Variants in RP1 observed in about 807,000 individuals in gnomAD.
The protein encoded by RP1 is RP1 axonemal microtubule associated, also known as oxygen-regulated protein 1.
In RP1, 16 loss-of-function variants were observed where a neutral mutation model predicts 14.8. The observed-to-expected ratio is 1.08, with a 90% CI of 0.73 to 1.65. RP1 has a LOEUF of 1.65. Among genes scored for constraint, RP1 ranks in the 40% most tolerant of loss-of-function variants. The pLI is 0.00. For synonymous variants in RP1, 876 were observed against 883.6 expected (o/e 0.99, Z 0.15); for missense variants, 2,631 against 2,535.0 (o/e 1.04, Z -0.81).
At position 54,842,185 on chromosome 8, in the gene RP1, A is replaced by G. The variant is rs116274105; in HGVS notation, c.3835+4516A>G. Among the ~76,000 whole-genome samples the G allele has an allele frequency of 3.9e-3, 589 of 152,280 alleles. 5 individuals carry two copies. The highest frequency in any genetic ancestry group is 0.014 in the African/African-American group (565 of 41,538). The stretch of plus-strand genomic sequence containing the variant: ...AAACATGGGCTTCAGAATGATTCAG[A>G]CCTTTTCATCCACGAGAGAACTATA... On this transcript the variant is annotated intron_variant, in intron 25 of 28. Coordinates refer to the RP1 transcript ENST00000637698.
intron 16 of RP1, chr8:54,720,417 TTTTG>T (rs751459966): frequency 4.0e-4 from 395 of 991,170 alleles, no homozygotes; most frequent in Admixed American, 5.0e-4. Flanking sequence ...TGCTAGGCTT[TTTTG>T]TTTGTTGTCA....
At chr8:54,752,453 G>A (rs1189454823) in intron 19 of RP1, among the ~76,000 whole-genome samples, 1 of 152,146 alleles carries the variant, frequency 6.6e-6, no homozygotes, top group East Asian at 1.9e-4. Flanking sequence ...ATAGCAACTC[G>A]GTGAGTGCTT....
At chr8:54,765,769 C>A (rs2129372381) in intron 22 of RP1, among the ~76,000 whole-genome samples, 2 of 152,234 alleles carry the variant, frequency 1.3e-5, no homozygotes, top group African/African-American at 4.8e-5. Flanking sequence ...CTCTGCTTGC[C>A]CAGACAGAAG....
At chr8:54,863,486 G>T in intron 27 of RP1, among the ~76,000 whole-genome samples, 1 of 152,196 alleles carries the variant, frequency 6.6e-6, no homozygotes. Flanking sequence ...TATATTTTAA[G>T]TCTTGCTTTT....
chr8:54,816,623 C>A (rs1336616693), intron 24 of RP1, among the ~76,000 whole-genome samples: 2 of 152,204 alleles, frequency 1.3e-5, no homozygotes, highest in African/African-American at 2.4e-5. Context: ...CCTTCTCTTG[C>A]CCAGACTCAT....
chr8:54,701,758 A>G, intron 14 of RP1: 1 of 1,129,980 alleles, frequency 8.8e-7, no homozygotes, highest in Non-Finnish European at 1.2e-6. Flanking sequence ...TAATGCAGTA[A>G]TCGAATCACT....
intron 15 of RP1, among the ~76,000 whole-genome samples, chr8:54,716,783 TC>T (rs1248490627): frequency 2.0e-5 from 3 of 152,172 alleles, no homozygotes; most frequent in African/African-American, 4.8e-5. Context: ...TTTCTCAGAC[TC>T]CCTCCTTGAG....
At chr8:54,607,278 T>C (rs1260732736) in intron 1 of RP1, among the ~76,000 whole-genome samples, 1 of 152,238 alleles carries the variant, frequency 6.6e-6, no homozygotes, top group Non-Finnish European at 1.5e-5. Flanking sequence ...TACCCTCAGC[T>C]GCAGGTCTGT....
exon 17 of RP1, chr8:54,726,369 T>G (rs1011526926): frequency 6.5e-7 from 1 of 1,527,444 alleles, no homozygotes; most frequent in Non-Finnish European, 8.7e-7. Context: ...CCAATGGGAA[T>G]GTCTGCAACA....
In RP1 at chr8:54,621,469, G is replaced by T; in HGVS notation, c.503G>T (p.Arg168Leu). The change falls in exon 2 of 4, where the codon CGT becomes CTT. Residue 168 changes from arginine to leucine, a missense_variant. Physicochemically the swap from Arg to Leu is moderately radical, Grantham distance 102. Coordinates refer to ENST00000220676, the MANE Select transcript of RP1 (RefSeq NM_006269.2). ...AGGAATGGCGACCCGAAGACGAGGC[G>T]TGCGGTTCTTCTGAGCAGGAGGGTC... Reference protein sequence around the residue: ...VFRNGDPKTRRAVLLSRRVTQ... With the variant: ...VFRNGDPKTRLAVLLSRRVTQ... The T allele has an allele frequency of 1.2e-6, 2 of 1,614,074 alleles. No individual in the cohort carries two copies. Among genetic ancestry groups the T allele is most frequent in the Non-Finnish European group, 1.7e-6 (2 of 1,180,040 alleles).
At chr8:54,596,218 A>T (rs1306430440) in intron 1 of RP1, among the ~76,000 whole-genome samples, 2 of 152,192 alleles carry the variant, frequency 1.3e-5, no homozygotes, top group African/African-American at 4.8e-5. Context: ...GATCGGTTTC[A>T]TCTGTTCAAC....
In RP1 at chr8:54,627,156, C is replaced by T. The variant is rs1470599785; in HGVS notation, c.3274C>T (p.Gln1092Ter). 6.2e-7 allele frequency: 1 copy of T among 1,614,040 alleles called. No individual in the cohort carries two copies. Among genetic ancestry groups the T allele is most frequent in the Non-Finnish European group, 8.5e-7 (1 of 1,179,976 alleles). Residue 1092 changes from glutamine (Q) to a stop codon, truncating the protein, a stop_gained, in exon 4 of 4, where the codon CAA (glutamine) becomes TAA (stop). Transcript: ENST00000220676. LOFTEE classifies it low-confidence loss of function (END_TRUNC). Reference sequence around the variant, plus strand: ...ACCAGTCCTGATGCTTCACCAATTGCAAGCTTCAGTTCCTGGTATTCACAA... The same window carrying T: ...ACCAGTCCTGATGCTTCACCAATTGTAAGCTTCAGTTCCTGGTATTCACAA... ...LLPVLMLHQL[Q>*]ASVPGIHKTQ... is the part of the protein sequence containing the mutation.
At chr8:54,576,892 A>AC in intron 1 of RP1, among the ~76,000 whole-genome samples, 2 of 152,266 alleles carry the variant, frequency 1.3e-5, no homozygotes, top group Middle Eastern at 3.4e-3. Context: ...AATTTGATAG[A>AC]CATTTCTGAA....
intron 15 of RP1, chr8:54,706,705 G>T: frequency 6.6e-7 from 1 of 1,516,026 alleles, no homozygotes; most frequent in Non-Finnish European, 8.9e-7. Context: ...ACATTTGCCA[G>T]TTGTAGACAT....
At chr8:54,756,662 A>T in intron 21 of RP1, among the ~76,000 whole-genome samples, 1 of 152,328 alleles carries the variant, frequency 6.6e-6, no homozygotes. Flanking sequence ...TATTATTAAT[A>T]TTACGCTAAG....
chr8:54,702,815 A>G (rs539951914), intron 14 of RP1, among the ~76,000 whole-genome samples: 1 of 152,324 alleles, frequency 6.6e-6, no homozygotes, highest in African/African-American at 2.4e-5. Context: ...AATAGTCTGA[A>G]TCATTTGTTG....
chr8:54,648,362 C>G (rs1806589759), intron 3 of RP1, among the ~76,000 whole-genome samples: 1 of 152,108 alleles, frequency 6.6e-6, no homozygotes, highest in Non-Finnish European at 1.5e-5. Flanking sequence ...CAGTTATGTT[C>G]ACAGTGAGCC....
At chr8:54,732,782 G>A (rs149228181) in intron 17 of RP1, among the ~76,000 whole-genome samples, 99 of 152,276 alleles carry the variant, frequency 6.5e-4, no homozygotes, top group African/African-American at 2.3e-3. Flanking sequence ...ACTGAGTTTT[G>A]AAAATTAGAT....
At chr8:54,793,570 T>C (rs1317905441) in intron 24 of RP1, among the ~76,000 whole-genome samples, 2 of 151,878 alleles carry the variant, frequency 1.3e-5, no homozygotes, top group Admixed American at 6.6e-5. Context: ...GAAGGAAGGA[T>C]AAAAATAATG....
Sources: gnomAD v4.1 joint callset for allele counts (sites outside exome capture counted in the v4.1 genomes callset) on GRCh38, gnomAD v4.1.1 for gene constraint, MANE v1.5 for transcripts, NCBI Gene and HGNC (gene_info 2026-07-23, HGNC 2026-07-21) for gene names.